SUSD4: variants seen among roughly 807,000 people sequenced by gnomAD.
SUSD4 encodes the protein sushi domain-containing protein 4.
SUSD4 carries 41 observed loss-of-function variants against 50.5 expected under a neutral mutation model. The ratio of observed to expected loss-of-function variants is 0.81; its 90% confidence interval spans 0.63 to 1.05. The LOEUF is 1.05. Ranked by LOEUF, SUSD4 falls within the 50% of genes least tolerant of loss-of-function variation. SUSD4 has a pLI of 0.00. For missense variants in SUSD4, 580 were observed against 634.7 expected (o/e 0.91, Z 0.93); for synonymous variants, 257 against 257.3 (o/e 1.00, Z 0.01).
chr1:223,261,611 T>G (rs779701309), intron 5 of SUSD4, among the ~76,000 whole-genome samples: 1 of 152,234 alleles, frequency 6.6e-6, no homozygotes, highest in South Asian at 2.1e-4. Context: ...CTGTTCTTAT[T>G]GTTCAGTATG....
At chr1:223,289,100 T>A in intron 3 of SUSD4, 1 of 985,478 alleles carries the variant, frequency 1.0e-6, no homozygotes, top group Non-Finnish European at 1.2e-6. Flanking sequence ...GCCAGCACCC[T>A]GGCCTTTAGT....
At chr1:223,355,508 C>T (rs1017059457) in intron 2 of SUSD4, among the ~76,000 whole-genome samples, 5 of 152,156 alleles carry the variant, frequency 3.3e-5, no homozygotes, top group Non-Finnish European at 7.3e-5. Flanking sequence ...TGTCAGCCAC[C>T]GCACCAGGCC....
At chr1:223,298,173 CAGAT>C (rs1194934604) in intron 2 of SUSD4, among the ~76,000 whole-genome samples, 7 of 151,286 alleles carry the variant, frequency 4.6e-5, no homozygotes, top group Non-Finnish European at 7.4e-5. Context: ...GATGGATAAA[CAGAT>C]AGATGAATGG....
chr1:223,345,865 C>A (rs528971843), intron 2 of SUSD4, among the ~76,000 whole-genome samples: 4 of 152,172 alleles, frequency 2.6e-5, no homozygotes, highest in African/African-American at 9.7e-5. Context: ...CAGAATTCAG[C>A]CTTTGAAATG....
chr1:223,300,898 ACTGAGGCTGTGAACAACATAAGAAGT>A (rs1457945202), intron 2 of SUSD4, among the ~76,000 whole-genome samples: 2 of 152,186 alleles, frequency 1.3e-5, no homozygotes, highest in African/African-American at 2.4e-5. Context: ...AGAGGAGGAC[ACTGAGGCTGTGAACAACATAAGAAGT>A]CTTTTAAAAG....
intron 2 of SUSD4, among the ~76,000 whole-genome samples, chr1:223,309,314 A>G (rs1399422904): frequency 1.3e-5 from 2 of 152,192 alleles, no homozygotes; most frequent in Non-Finnish European, 2.9e-5. Context: ...AAAGGAGTGC[A>G]CTTACACCCG....
At chr1:223,256,687 C>G (rs971582992) in intron 5 of SUSD4, among the ~76,000 whole-genome samples, 8 of 152,172 alleles carry the variant, frequency 5.3e-5, no homozygotes, top group African/African-American at 1.9e-4. Context: ...TGGTTAAGAG[C>G]AGAATCAAAG....
chr1:223,222,524 A>G (rs546384356), intron 8 of SUSD4, among the ~76,000 whole-genome samples: 1 of 152,320 alleles, frequency 6.6e-6, no homozygotes, highest in South Asian at 2.1e-4. Context: ...CAAGTACAGA[A>G]AGGCAGCGTG....
intron 2 of SUSD4, among the ~76,000 whole-genome samples, chr1:223,349,659 A>C (rs1409699577): frequency 6.6e-6 from 1 of 152,174 alleles, no homozygotes; most frequent in Admixed American, 6.5e-5. Flanking sequence ...AAACACTGGC[A>C]GTTTCATATG....
intron 3 of SUSD4, among the ~76,000 whole-genome samples, chr1:223,274,965 G>A (rs1010333047): frequency 6.6e-6 from 1 of 152,062 alleles, no homozygotes. Context: ...CAACCTATGA[G>A]TCCAAAAATA....
chr1:223,361,390 C>A (rs1668968954), intron 2 of SUSD4, among the ~76,000 whole-genome samples: 1 of 152,060 alleles, frequency 6.6e-6, no homozygotes, highest in South Asian at 2.1e-4. Context: ...CATATGAGTG[C>A]CTAAAAAGAA....
rs78451949 is a variant in SUSD4, at chr1:223,269,934, G to T, written c.362-1259C>A. On this transcript the variant is annotated intron_variant, in intron 3 of 8. Transcript: ENST00000366878. Reference sequence around the variant, plus strand: ...TGGAAGCCCTGATGTGAGTGGAAGAGAAGGGAAATGCTGTGGCTAGTGGGT... The same window carrying T: ...TGGAAGCCCTGATGTGAGTGGAAGATAAGGGAAATGCTGTGGCTAGTGGGT... Among the ~76,000 whole-genome samples the T allele has an allele frequency of 4.9e-3, 746 of 152,306 alleles. 7 individuals are homozygous for T. The highest frequency in any genetic ancestry group is 0.015 in the African/African-American group (606 of 41,556).
chr1:223,254,821 T>C (rs939726492), intron 5 of SUSD4, among the ~76,000 whole-genome samples: 7 of 152,122 alleles, frequency 4.6e-5, no homozygotes, highest in African/African-American at 1.7e-4. Context: ...AAGAGAAAAT[T>C]AAGCACAGTG....
intron 2 of SUSD4, among the ~76,000 whole-genome samples, chr1:223,352,919 G>C (rs1474600053): frequency 6.6e-6 from 1 of 151,974 alleles, no homozygotes; most frequent in East Asian, 1.9e-4. Flanking sequence ...CAGAGCAAGG[G>C]ATGCATGGAG....
intron 2 of SUSD4, among the ~76,000 whole-genome samples, chr1:223,343,397 C>T (rs909292589): frequency 1.3e-5 from 2 of 152,114 alleles, no homozygotes; most frequent in African/African-American, 2.4e-5. Flanking sequence ...TTGTTTATCT[C>T]CCCCACTGGA....
intron 2 of SUSD4, among the ~76,000 whole-genome samples, chr1:223,353,971 C>T (rs1453855733): frequency 2.0e-5 from 3 of 151,546 alleles, no homozygotes; most frequent in Non-Finnish European, 4.4e-5. Context: ...GCAGAAGCTG[C>T]AGCGAGCCGA....
At chr1:223,237,435 C>G (rs926251637) in intron 5 of SUSD4, among the ~76,000 whole-genome samples, 1 of 151,976 alleles carries the variant, frequency 6.6e-6, no homozygotes, top group South Asian at 2.1e-4. Context: ...CCTGATCTTA[C>G]GGGAAAACTT....
At chr1:223,335,090 T>TACCACATATATATC (rs1553308962) in intron 2 of SUSD4, among the ~76,000 whole-genome samples, 23 of 152,350 alleles carry the variant, frequency 1.5e-4, no homozygotes, top group Non-Finnish European at 2.6e-4. Flanking sequence ...ATCATATATA[T>TACCACATATATATC]ATATACCACA....
At chr1:223,341,698 C>G (rs1231647924) in intron 2 of SUSD4, among the ~76,000 whole-genome samples, 2 of 152,206 alleles carry the variant, frequency 1.3e-5, no homozygotes, top group African/African-American at 4.8e-5. Context: ...ACTGCACACG[C>G]AGCTACAACC....
Sources: gnomAD v4.1 joint callset for allele counts (sites outside exome capture counted in the v4.1 genomes callset) on GRCh38, gnomAD v4.1.1 for gene constraint, MANE v1.5 for transcripts, NCBI Gene and HGNC (gene_info 2026-07-23, HGNC 2026-07-21) for gene names.